Variants in ADD1 observed in about 807,000 individuals in gnomAD.
ADD1 encodes the protein adducin 1.
Under a neutral mutation model 80.5 loss-of-function variants are expected in ADD1, and 24 were observed. That is an observed-to-expected ratio of 0.30 (90% CI 0.22 to 0.42). The LOEUF (loss-of-function observed/expected upper bound fraction) is 0.42. Among genes scored for constraint, ADD1 ranks in the 10% least tolerant of loss-of-function variants. ADD1 has a pLI of 1.00. For synonymous variants in ADD1, 373 were observed against 393.8 expected (o/e 0.95, Z 0.63); for missense variants, 948 against 1,019.0 (o/e 0.93, Z 0.95).
chr4:2,856,455 A>G lies in ADD1; in HGVS notation c.-21+12431A>G, dbSNP rs375333953. Among the ~76,000 whole-genome samples the G allele has an allele frequency of 1.1e-3, 167 of 148,320 alleles. 1 individual carries two copies. Among genetic ancestry groups the G allele is most frequent in the Admixed American group, 3.7e-3 (55 of 14,972 alleles). On this transcript the variant is annotated intron_variant, in intron 1 of 15. Coordinates refer to ENST00000683351, the MANE Select transcript of ADD1 (RefSeq NM_001354761.2). ...GTGTGTAAGGTATGGATTTATCTTTATTTATTTTGCTTGGTTTTTGTAGAT... is the reference window on the plus strand; with the variant it reads ...GTGTGTAAGGTATGGATTTATCTTTGTTTATTTTGCTTGGTTTTTGTAGAT...
intron 14 of ADD1, among the ~76,000 whole-genome samples, chr4:2,915,296 G>A (rs58928665): frequency 0.019 from 2,934 of 152,138 alleles, 58 homozygotes; most frequent in African/African-American, 0.047. Context: ...ACCTGAGGTC[G>A]GGAGTTCGAG....
At chr4:2,921,805 C>T (rs1173301989) in intron 14 of ADD1, among the ~76,000 whole-genome samples, 2 of 152,010 alleles carry the variant, frequency 1.3e-5, no homozygotes, top group Non-Finnish European at 2.9e-5. Flanking sequence ...TTCACATAGT[C>T]CCATATTTCT....
chr4:2,850,960 G>A (rs932006643), intron 1 of ADD1, among the ~76,000 whole-genome samples: 1 of 152,188 alleles, frequency 6.6e-6, no homozygotes, highest in African/African-American at 2.4e-5. Flanking sequence ...AGGAATGACT[G>A]CTAATGTGTA....
rs750774758 is a variant in ADD1, at chr4:2,904,855, G to A, written c.1253G>A (p.Gly418Asp). The change falls in exon 10 of 16, where the codon GGT becomes GAT. Residue 418 changes from glycine (G) to aspartate (D), a missense_variant. By Grantham distance (94) the Gly-to-Asp change is moderately conservative. Coordinates refer to ENST00000683351, the MANE Select transcript of ADD1 (RefSeq NM_001354761.2). ...SDVEVPASVT[G>D]YSFASDGDSG... ...GTGGAGGTTCCTGCTAGTGTCACAG[G>A]TTACTCCTTTGCTAGTGACGGTGAT... 1.2e-6 allele frequency: 2 copies of A among 1,614,164 alleles called. No homozygotes were observed.
intron 14 of ADD1, among the ~76,000 whole-genome samples, chr4:2,924,969 C>G (rs1025238233): frequency 6.6e-6 from 1 of 152,160 alleles, no homozygotes; most frequent in Non-Finnish European, 1.5e-5. Context: ...TGGAGTTTCC[C>G]CCCGATGTGT....
chr4:2,890,901 C>A (rs1419690026), intron 4 of ADD1, among the ~76,000 whole-genome samples: 2 of 152,120 alleles, frequency 1.3e-5, no homozygotes, highest in Non-Finnish European at 2.9e-5. Context: ...TTCATTCCAA[C>A]CAGTATATAC....
intron 2 of ADD1, 118 bp from the exon 3 acceptor site, chr4:2,881,764 ATGTGTGAGAATATCCG>A (rs1365027250): frequency 8.6e-6 from 5 of 580,362 alleles, no homozygotes; most frequent in Non-Finnish European, 1.5e-5. Flanking sequence ...CTCAGCAGTA[ATGTGTGAGAATATCCG>A]TTTGCCTTTC....
At chr4:2,891,388 A>G (rs1577590639) in intron 4 of ADD1, among the ~76,000 whole-genome samples, 1 of 152,106 alleles carries the variant, frequency 6.6e-6, no homozygotes, top group African/African-American at 2.4e-5. Flanking sequence ...CAAAGGTTGT[A>G]GTGAGCTGAG....
intron 13 of ADD1, 25 bp from the exon 14 acceptor site, chr4:2,914,859 G>T: frequency 6.3e-7 from 1 of 1,592,036 alleles, no homozygotes; most frequent in Non-Finnish European, 8.6e-7. Context: ...GGCTCCTGCA[G>T]ACCAGATGTG....
chr4:2,848,169 C>G (rs571538268), intron 1 of ADD1, among the ~76,000 whole-genome samples: 1 of 150,670 alleles, frequency 6.6e-6, no homozygotes, highest in Non-Finnish European at 1.5e-5. Context: ...GAGTTGAGAT[C>G]GTGCCATTGC....
In ADD1 at chr4:2,905,415, A is replaced by G. The variant is rs540939485; in HGVS notation, c.1506+307A>G. 17 of 381,412 alleles carry G rather than the reference A, an allele frequency of 4.5e-5. No individual in the cohort carries two copies. The South Asian group carries it at 6.6e-4, about 15-fold the overall frequency. The allele number at this position is 381,412 out of a possible 1,614,324, so 23.6% of individuals were successfully genotyped here. ...AATAGGAGCTCTTCTTATTTAATTCAAATTATATTCAGGGACTCTTAATAC... is the reference window on the plus strand; with the variant it reads ...AATAGGAGCTCTTCTTATTTAATTCGAATTATATTCAGGGACTCTTAATAC... On this transcript the variant is annotated intron_variant, in intron 10 of 15. Transcript: ENST00000683351.
At position 2,926,523 on chromosome 4, in the gene ADD1, T is replaced by C; in HGVS notation, c.2047+411T>C. ...GGTGTCTGTCCCTCGGTCTCGTACA[T>C]CCATGTCTCTCGTGAAGCCCGTGGC... On this transcript the variant is annotated intron_variant, in intron 15 of 15. Transcript: ENST00000683351. The surrounding 1 kb of genome is among the most constrained non-coding windows in gnomAD (Gnocchi z 5.0). 9.3e-7 allele frequency: 1 copy of C among 1,078,132 alleles called. No homozygotes were observed. Among genetic ancestry groups the C allele is most frequent in the Non-Finnish European group, 1.4e-6 (1 of 719,416 alleles). 66.8% of individuals were successfully genotyped at this position (1,078,132 alleles called of 1,614,324 possible).
chr4:2,870,327 G>A (rs1379530538), intron 1 of ADD1, among the ~76,000 whole-genome samples: 3 of 152,204 alleles, frequency 2.0e-5, no homozygotes, highest in Non-Finnish European at 2.9e-5. Flanking sequence ...TGTTATTTCC[G>A]AGTCAGTAAA....
intron 14 of ADD1, among the ~76,000 whole-genome samples, chr4:2,921,617 G>C (rs1288292598): frequency 2.0e-5 from 3 of 151,870 alleles, no homozygotes; most frequent in African/African-American, 7.3e-5. Context: ...ATGTGTCTTG[G>C]GGTTGCTCTT....
intron 14 of ADD1, among the ~76,000 whole-genome samples, chr4:2,923,259 C>T (rs1740378142): frequency 6.6e-6 from 1 of 152,258 alleles, no homozygotes; most frequent in Non-Finnish European, 1.5e-5. Flanking sequence ...ACCCAGGGTC[C>T]TGGTGTCATG....
At chr4:2,897,797 C>T (rs1487157723) in intron 6 of ADD1, among the ~76,000 whole-genome samples, 2 of 152,146 alleles carry the variant, frequency 1.3e-5, no homozygotes, top group Admixed American at 6.5e-5. Flanking sequence ...GTTGGGATTA[C>T]AGGTGTGAGC....
chr4:2,909,275 G>C (rs1218841951), intron 12 of ADD1, 64 bp from the exon 13 acceptor site: 3 of 1,369,226 alleles, frequency 2.2e-6, no homozygotes, highest in Non-Finnish European at 3.1e-6. Context: ...TCCATCCTGT[G>C]CTCTCAGCTG....
At chr4:2,847,346 A>G (rs1053142847) in intron 1 of ADD1, among the ~76,000 whole-genome samples, 9 of 151,434 alleles carry the variant, frequency 5.9e-5, no homozygotes, top group African/African-American at 2.2e-4. Context: ...GCTTGAACCC[A>G]GGAGGCGGAG....
intron 14 of ADD1, among the ~76,000 whole-genome samples, chr4:2,921,844 T>C (rs1740102571): frequency 6.6e-6 from 1 of 152,064 alleles, no homozygotes; most frequent in African/African-American, 2.4e-5. Flanking sequence ...CTTTTCATTC[T>C]TTTTTCTTTT....
Sources: gnomAD v4.1 joint callset for allele counts (sites outside exome capture counted in the v4.1 genomes callset) on GRCh38, gnomAD v4.1.1 for gene constraint, Gnocchi (gnomAD v3.1) non-coding constraint, MANE v1.5 for transcripts, NCBI Gene and HGNC (gene_info 2026-07-23, HGNC 2026-07-21) for gene names.